The following ZNF804A variants were observed in gnomAD, a reference collection of about 807,000 sequenced individuals.
ZNF804A encodes zinc finger protein 804A.
In ZNF804A, 2 loss-of-function variants were observed where a neutral mutation model predicts 16.5. The observed-to-expected ratio is 0.12, with a 90% CI of 0.05 to 0.38. The LOEUF is 0.38. Among genes scored for constraint, ZNF804A ranks in the 10% least tolerant of loss-of-function variants. The probability of loss-of-function intolerance (pLI) is 0.99; values close to 1 mark genes in which losing one functional copy is unlikely to be tolerated. For synonymous variants in ZNF804A, 534 were observed against 489.6 expected (o/e 1.09, Z -1.20); for missense variants, 1,473 against 1,390.7 (o/e 1.06, Z -0.94).
At chr2:184,779,240 G>A (rs531258002) in intron 1 of ZNF804A, among the ~76,000 whole-genome samples, 6 of 151,650 alleles carry the variant, frequency 4.0e-5, no homozygotes, top group Non-Finnish European at 8.8e-5. Flanking sequence ...TTGAAGTTGG[G>A]TTGGCCTCTC....
At chr2:184,781,538 T>G (rs2105773922) in intron 1 of ZNF804A, among the ~76,000 whole-genome samples, 1 of 151,900 alleles carries the variant, frequency 6.6e-6, no homozygotes, top group Non-Finnish European at 1.5e-5. Context: ...ATGAAAAAAC[T>G]TTGAAATATT....
At chr2:184,644,234 CATAT>C (rs10542640) in intron 1 of ZNF804A, among the ~76,000 whole-genome samples, 2 of 150,030 alleles carry the variant, frequency 1.3e-5, no homozygotes, top group Admixed American at 6.7e-5. Context: ...AGCTATATAT[CATAT>C]ATATATATAT....
chr2:184,864,788 A>T (rs185741060), intron 1 of ZNF804A, among the ~76,000 whole-genome samples: 1 of 152,042 alleles, frequency 6.6e-6, no homozygotes, highest in Admixed American at 6.6e-5. Context: ...TGCCATTGCC[A>T]TATAGAGGAC....
At chr2:184,881,977 A>G (rs1684816023) in intron 2 of ZNF804A, among the ~76,000 whole-genome samples, 1 of 152,086 alleles carries the variant, frequency 6.6e-6, no homozygotes, top group African/African-American at 2.4e-5. Flanking sequence ...AAATGCCCCA[A>G]TTAAAAGGCA....
At chr2:184,637,042 G>A (rs933261968) in intron 1 of ZNF804A, among the ~76,000 whole-genome samples, 1 of 152,032 alleles carries the variant, frequency 6.6e-6, no homozygotes, top group Non-Finnish European at 1.5e-5. Context: ...TCATAGTGAT[G>A]ATCTATGTGG....
At chr2:184,880,381 T>C (rs573148899) in intron 2 of ZNF804A, among the ~76,000 whole-genome samples, 49 of 152,190 alleles carry the variant, frequency 3.2e-4, no homozygotes, top group African/African-American at 8.2e-4. Flanking sequence ...ACTGTGCAGC[T>C]AGTTCTTTTC....
At chr2:184,854,414 A>G (rs76640374) in intron 1 of ZNF804A, among the ~76,000 whole-genome samples, 9,821 of 137,598 alleles carry the variant, frequency 0.071, 1,072 homozygotes, top group African/African-American at 0.23. Context: ...CAGGCCAGAT[A>G]TGCCAACAAC....
intron 2 of ZNF804A, among the ~76,000 whole-genome samples, chr2:184,886,884 G>T (rs1684899399): frequency 6.6e-6 from 1 of 152,230 alleles, no homozygotes; most frequent in South Asian, 2.1e-4. Context: ...GCTGCCATGA[G>T]GGTCTCTGAC....
intron 1 of ZNF804A, among the ~76,000 whole-genome samples, chr2:184,769,291 C>T (rs1450760042): frequency 1.3e-5 from 2 of 152,030 alleles, no homozygotes; most frequent in African/African-American, 4.8e-5. Flanking sequence ...GCAACAGGCT[C>T]CCGAGAACCT....
chr2:184,798,301 G>T (rs1405775419), intron 1 of ZNF804A, among the ~76,000 whole-genome samples: 1 of 151,656 alleles, frequency 6.6e-6, no homozygotes, highest in Admixed American at 6.6e-5. Context: ...CAAGGCCAGG[G>T]ATATTTTCCT....
rs573092480 is a variant in ZNF804A, at chr2:184,683,291, C to CT, written c.111+84229dup. On this transcript the variant is annotated intron_variant, in intron 1 of 3. Coordinates refer to ENST00000302277, the MANE Select transcript of ZNF804A (RefSeq NM_194250.2). The stretch of plus-strand genomic sequence containing the variant: ...AATTTAGTTGTATGGGGGATATACA[C>CT]TTTTTTTTCTGTAGGTTTCAAGTAT... 8.5e-5 allele frequency among the ~76,000 whole-genome samples: 13 copies of CT among 152,082 alleles called. No homozygotes were observed. The East Asian group carries it at 2.1e-3, about 25-fold the overall frequency.
intron 1 of ZNF804A, among the ~76,000 whole-genome samples, chr2:184,666,616 T>C (rs1396312149): frequency 6.6e-6 from 1 of 152,104 alleles, no homozygotes; most frequent in Non-Finnish European, 1.5e-5. Flanking sequence ...GAATGTTTTC[T>C]TATGATCAGC....
intron 1 of ZNF804A, among the ~76,000 whole-genome samples, chr2:184,625,112 C>T (rs190811607): frequency 6.6e-6 from 1 of 151,892 alleles, no homozygotes; most frequent in Non-Finnish European, 1.5e-5. Flanking sequence ...TCAAGAGCAC[C>T]CAAATGAAAA....
chr2:184,732,154 GTTATC>G (rs1321616517), intron 1 of ZNF804A, among the ~76,000 whole-genome samples: 2 of 151,596 alleles, frequency 1.3e-5, no homozygotes, highest in Non-Finnish European at 2.9e-5. Flanking sequence ...TTCTTTCTAT[GTTATC>G]TTCTAGAATT....
At chr2:184,836,002 A>G (rs909694126) in intron 1 of ZNF804A, among the ~76,000 whole-genome samples, 3 of 152,184 alleles carry the variant, frequency 2.0e-5, no homozygotes, top group African/African-American at 7.2e-5. Flanking sequence ...TCATGCAGGC[A>G]GATTTAAATC....
chr2:184,710,258 A>G (rs185134918), intron 1 of ZNF804A, among the ~76,000 whole-genome samples: 1 of 151,740 alleles, frequency 6.6e-6, no homozygotes, highest in Non-Finnish European at 1.5e-5. Flanking sequence ...GATAATAAAC[A>G]TATCCATCAC....
chr2:184,642,854 A>C (rs1166645691), intron 1 of ZNF804A, among the ~76,000 whole-genome samples: 1 of 152,188 alleles, frequency 6.6e-6, no homozygotes, highest in African/African-American at 2.4e-5. Context: ...TTGCATGTTG[A>C]AAACAAAATC....
intron 2 of ZNF804A, among the ~76,000 whole-genome samples, chr2:184,910,826 GC>G: frequency 6.6e-6 from 1 of 151,770 alleles, no homozygotes. Flanking sequence ...AAGATTATTT[GC>G]TTTTTGCTTG....
chr2:184,740,899 C>G (rs1420031165), intron 1 of ZNF804A, among the ~76,000 whole-genome samples: 1 of 152,138 alleles, frequency 6.6e-6, no homozygotes, highest in Non-Finnish European at 1.5e-5. Context: ...TTTCCTTCAT[C>G]TGTAAAGCAG....
Sources: allele counts gnomAD v4.1 joint callset (sites outside exome capture counted in the v4.1 genomes callset), GRCh38; gene constraint gnomAD v4.1.1; transcripts MANE v1.5; gene names NCBI Gene and HGNC (gene_info 2026-07-23, HGNC 2026-07-21).